Variants in KIF2A observed in about 807,000 individuals in gnomAD.
The protein encoded by KIF2A is kinesin family member 2A, also known as kinesin-like protein KIF2A.
In KIF2A, 22 loss-of-function variants were observed where a neutral mutation model predicts 100.2. That is an observed-to-expected ratio of 0.22 (90% CI 0.16 to 0.31). The LOEUF is 0.31. KIF2A is among the 10% of genes least tolerant of loss of function. The pLI is 1.00. For missense variants in KIF2A, 495 were observed against 898.7 expected (o/e 0.55, Z 5.74); for synonymous variants, 268 against 285.9 (o/e 0.94, Z 0.63).
intron 1 of KIF2A, among the ~76,000 whole-genome samples, chr5:62,343,009 C>T (rs1747375252): frequency 6.6e-6 from 1 of 152,176 alleles, no homozygotes; most frequent in South Asian, 2.1e-4. Context: ...GCCTCAGCCT[C>T]CCAAAGTGCT....
intron 18 of KIF2A, among the ~76,000 whole-genome samples, chr5:62,375,856 C>T (rs1255579274): frequency 6.6e-6 from 1 of 152,160 alleles, no homozygotes; most frequent in Non-Finnish European, 1.5e-5. Flanking sequence ...GGAGTGTCCC[C>T]CTCACCTTAT....
At chr5:62,375,015 C>A (rs1741479517) in intron 18 of KIF2A, among the ~76,000 whole-genome samples, 1 of 152,182 alleles carries the variant, frequency 6.6e-6, no homozygotes, top group Non-Finnish European at 1.5e-5. Context: ...TAAAATCAAA[C>A]AGCAAAATAC....
At chr5:62,346,277 G>A (rs945522908) in intron 1 of KIF2A, among the ~76,000 whole-genome samples, 1 of 152,066 alleles carries the variant, frequency 6.6e-6, no homozygotes, top group Non-Finnish European at 1.5e-5. Flanking sequence ...GGAAAGTAAG[G>A]AATAGAATAG....
chr5:62,316,458 A>C (rs1745822535), intron 1 of KIF2A, among the ~76,000 whole-genome samples: 1 of 152,130 alleles, frequency 6.6e-6, no homozygotes, highest in Non-Finnish European at 1.5e-5. Context: ...TCTAAGTGCC[A>C]TTTCAGTATT....
In KIF2A at chr5:62,345,465, G is replaced by A. The variant is rs1411606164; in HGVS notation, c.65-1665G>A. On this transcript the variant is annotated intron_variant, in intron 1 of 20. Coordinates refer to ENST00000407818, the MANE Select transcript of KIF2A (RefSeq NM_001098511.3). Reference sequence around the variant, plus strand: ...CTTGGGAGGCTGAGGCATGAGAATCGCTTGAGACTCTGTCTCAAAAAAAAA... The same window carrying A: ...CTTGGGAGGCTGAGGCATGAGAATCACTTGAGACTCTGTCTCAAAAAAAAA... 2.7e-5 allele frequency among the ~76,000 whole-genome samples: 4 copies of A among 147,948 alleles called. No individual in the cohort carries two copies. In the East Asian group the frequency reaches 8.0e-4, roughly 30 times the overall value.
chr5:62,325,495 A>G (rs1746330991), intron 1 of KIF2A, among the ~76,000 whole-genome samples: 2 of 152,172 alleles, frequency 1.3e-5, no homozygotes, highest in Admixed American at 1.3e-4. Context: ...ATGAACAGAT[A>G]CTTCTCAAAA....
chr5:62,307,429 A>T (rs1745364143), intron 1 of KIF2A, among the ~76,000 whole-genome samples: 1 of 151,842 alleles, frequency 6.6e-6, no homozygotes, highest in Non-Finnish European at 1.5e-5. Context: ...TCTCTTGGGG[A>T]AAATGGTTTA....
Position 62,306,453 on chromosome 5 carries a change from C to T in KIF2A, c.-20C>T. 6.5e-7 allele frequency: 1 copy of T among 1,534,026 alleles called. No individual in the cohort carries two copies. Among genetic ancestry groups the T allele is most frequent in the Admixed American group, 2.0e-5 (1 of 49,912 alleles). On this transcript the variant is annotated 5_prime_UTR_variant, in exon 1 of 21. Transcript: ENST00000407818. ...CCGGTCCCCCTCCCTCGGCCCGCTG[C>T]TGCTGCTCCAGATGAGGTGATGGCA...
At chr5:62,341,405 A>G (rs1385318580) in intron 1 of KIF2A, among the ~76,000 whole-genome samples, 1 of 151,938 alleles carries the variant, frequency 6.6e-6, no homozygotes, top group East Asian at 1.9e-4. Context: ...GGCTCAAGCA[A>G]TCCTCCTACC....
At chr5:62,316,851 C>T (rs1745840472) in intron 1 of KIF2A, among the ~76,000 whole-genome samples, 1 of 151,990 alleles carries the variant, frequency 6.6e-6, no homozygotes, top group African/African-American at 2.4e-5. Context: ...AAAGTTAAAA[C>T]CACTCTTGAA....
At chr5:62,330,447 T>C (rs771300780) in intron 1 of KIF2A, among the ~76,000 whole-genome samples, 111 of 152,240 alleles carry the variant, frequency 7.3e-4, no homozygotes, top group Non-Finnish European at 1.2e-3. Context: ...CAATGTGTTC[T>C]GAGGTAATTT....
intron 1 of KIF2A, among the ~76,000 whole-genome samples, chr5:62,334,848 C>T (rs573942934): frequency 2.6e-5 from 4 of 152,276 alleles, no homozygotes; most frequent in South Asian, 2.1e-4. Context: ...TCAGCGCAGC[C>T]CTCAGGTGGG....
chr5:62,372,743 T>G (rs71617433), intron 17 of KIF2A, among the ~76,000 whole-genome samples, 192 bp downstream of exon 17: 6 of 152,226 alleles, frequency 3.9e-5, no homozygotes, highest in Admixed American at 2.6e-4. Flanking sequence ...TTTAAAATGT[T>G]GATTTAGAAT....
chr5:62,374,463 T>A (rs1232636685), intron 18 of KIF2A, among the ~76,000 whole-genome samples: 1 of 152,080 alleles, frequency 6.6e-6, no homozygotes, highest in Non-Finnish European at 1.5e-5. Context: ...TCCCTTAGAT[T>A]TTTGTCTGAT....
At position 62,389,599 on chromosome 5, in the gene KIF2A, T is replaced by C. The variant is rs35016; in HGVS notation, c.*4030T>C. Among the ~76,000 whole-genome samples the C allele has an allele frequency of 0.25, 37,375 of 151,872 alleles. 4,681 individuals carry two copies. Among genetic ancestry groups the C allele is most frequent in the Middle Eastern group, 0.3 (87 of 292 alleles). The stretch of plus-strand genomic sequence containing the variant: ...TTAGAGCCTTTATGTCGTAATGAAT[T>C]TGACTAAAATTATCTTAGACTTTCA... On this transcript the variant is annotated 3_prime_UTR_variant, in exon 21 of 21. Coordinates refer to ENST00000407818, the MANE Select transcript of KIF2A (RefSeq NM_001098511.3).
chr5:62,372,147 G>T (rs529180455), intron 16 of KIF2A, among the ~76,000 whole-genome samples: 1 of 152,156 alleles, frequency 6.6e-6, no homozygotes, highest in Non-Finnish European at 1.5e-5. Context: ...TAGTTAGGGG[G>T]GCATTTCAGA....
At chr5:62,325,981 G>A (rs1263590558) in intron 1 of KIF2A, among the ~76,000 whole-genome samples, 2 of 152,180 alleles carry the variant, frequency 1.3e-5, no homozygotes, top group Admixed American at 6.5e-5. Context: ...GATTACTAGA[G>A]GAAGGAGGGT....
At chr5:62,322,485 A>T (rs1286591516) in intron 1 of KIF2A, among the ~76,000 whole-genome samples, 4 of 152,186 alleles carry the variant, frequency 2.6e-5, no homozygotes, top group Non-Finnish European at 5.9e-5. Flanking sequence ...CCTACTACTT[A>T]TGTAGGCCTT....
intron 1 of KIF2A, among the ~76,000 whole-genome samples, chr5:62,324,033 C>CAA (rs33962692): frequency 9.3e-5 from 14 of 149,818 alleles, no homozygotes; most frequent in South Asian, 2.1e-4. Context: ...AACCCTGTCT[C>CAA]AAAAAAAATA....
Sources: gnomAD v4.1 joint callset for allele counts (sites outside exome capture counted in the v4.1 genomes callset) on GRCh38, gnomAD v4.1.1 for gene constraint, MANE v1.5 for transcripts, NCBI Gene and HGNC (gene_info 2026-07-23, HGNC 2026-07-21) for gene names.